Variants in COL9A1 observed in about 807,000 individuals in gnomAD.
COL9A1 encodes the protein collagen type IX alpha 1 chain, also known as collagen alpha-1(IX) chain.
A neutral mutation model predicts 142.6 loss-of-function variants in COL9A1; 104 were observed. The ratio of observed to expected loss-of-function variants is 0.73; its 90% CI spans 0.62 to 0.86. The LOEUF (loss-of-function observed/expected upper bound fraction) is 0.86. Among genes scored for constraint, COL9A1 ranks in the 40% least tolerant of loss-of-function variants. The pLI is 0.00. For missense variants in COL9A1, 1,210 were observed against 1,176.6 expected (o/e 1.03, Z -0.42); for synonymous variants, 466 against 396.0 (o/e 1.18, Z -2.10).
chr6:70,269,378 C>A (rs1166428668), intron 16 of COL9A1, among the ~76,000 whole-genome samples: 1 of 152,114 alleles, frequency 6.6e-6, no homozygotes, highest in Non-Finnish European at 1.5e-5. Flanking sequence ...AACCTGGATG[C>A]TCTAGTGAAA....
At chr6:70,277,712 C>T in intron 10 of COL9A1, among the ~76,000 whole-genome samples, 1 of 152,186 alleles carries the variant, frequency 6.6e-6, no homozygotes, top group East Asian at 1.9e-4. Flanking sequence ...ACATTTTCTG[C>T]CAAAAATCCA....
chr6:70,282,797 G>A, intron 7 of COL9A1, 101 bp downstream of exon 7: 5 of 1,564,790 alleles, frequency 3.2e-6, no homozygotes, highest in Non-Finnish European at 4.4e-6. Context: ...TGAGAGCCCT[G>A]GGGATGCTCC....
Position 70,216,992 on chromosome 6 carries a change from G to T in COL9A1, c.2671C>A (p.Pro891Thr), listed in dbSNP as rs763970167. 1.9e-6 allele frequency: 3 copies of T among 1,613,996 alleles called. No homozygotes were observed. In the East Asian group the frequency reaches 6.7e-5, roughly 36 times the overall value. The change falls in exon 38 of 38, where the codon CCC (proline) becomes ACC (threonine). Residue 891 changes from proline (P) to threonine (T), a missense_variant. By Grantham distance (38) the Pro-to-Thr change is conservative. Coordinates refer to ENST00000357250, the MANE Select transcript of COL9A1 (RefSeq NM_001851.6). ...GVAGIPGVPG[P>T]PGPPGLPGFC... ...CCGGGAAGCCCAGGAGGTCCCGGGGGTCCAGGCACTCCAGGAATTCCTGCC... is the reference window on the plus strand; with the variant it reads ...CCGGGAAGCCCAGGAGGTCCCGGGGTTCCAGGCACTCCAGGAATTCCTGCC...
At chr6:70,237,750 A>C (rs551651936) in intron 33 of COL9A1, among the ~76,000 whole-genome samples, 1 of 152,362 alleles carries the variant, frequency 6.6e-6, no homozygotes, top group African/African-American at 2.4e-5. Context: ...ATTCTTAGGC[A>C]TAAAAATGTT....
chr6:70,226,062 T>G (rs955977873), intron 36 of COL9A1, 53 bp from the exon 37 acceptor site: 9 of 1,463,116 alleles, frequency 6.2e-6, no homozygotes, highest in Non-Finnish European at 8.6e-6. Context: ...AAAATAAACT[T>G]CCGCATCTTT....
intron 5 of COL9A1, among the ~76,000 whole-genome samples, chr6:70,292,219 C>T (rs959936421): frequency 1.3e-4 from 20 of 152,250 alleles, no homozygotes; most frequent in African/African-American, 3.6e-4. Flanking sequence ...TGTCACACCT[C>T]CACCATCATC....
rs144080297 is a variant in COL9A1, at chr6:70,257,481, G to A, written c.1450-660C>T. On this transcript the variant is annotated intron_variant, in intron 20 of 37. Transcript: ENST00000357250. Reference sequence around the variant, plus strand: ...AGAAGTTTGGTAGCCACTCTCCAGGGTTCTTAACATTTCTATAGAAATTAA... The same window carrying A: ...AGAAGTTTGGTAGCCACTCTCCAGGATTCTTAACATTTCTATAGAAATTAA... Among the ~76,000 whole-genome samples, 542 of 152,226 alleles carry A rather than the reference G, an allele frequency of 3.6e-3. 8 individuals carry two copies. The highest frequency in any genetic ancestry group is 0.012 in the African/African-American group (504 of 41,536).
At chr6:70,242,092 GA>G in intron 29 of COL9A1, 57 bp from the exon 30 acceptor site, 1 of 1,455,236 alleles carries the variant, frequency 6.9e-7, no homozygotes, top group Non-Finnish European at 9.5e-7. Flanking sequence ...TGAAAGCACG[GA>G]AGGCAGAAAC....
chr6:70,244,940 T>G lies in COL9A1; in HGVS notation c.1873-2225A>C, dbSNP rs549783018. Reference sequence around the variant, plus strand: ...CTGCTCTGCTGAACTTGTGTACCCATAAGAGTCCACCATATGTAGCACGGA... The same window carrying G: ...CTGCTCTGCTGAACTTGTGTACCCAGAAGAGTCCACCATATGTAGCACGGA... On this transcript the variant is annotated intron_variant, in intron 28 of 37. Transcript: ENST00000357250. 1.2e-4 allele frequency among the ~76,000 whole-genome samples: 18 copies of G among 152,292 alleles called. 1 individual carries two copies. The South Asian group carries it at 3.5e-3, about 30-fold the overall frequency.
intron 29 of COL9A1, 66 bp downstream of exon 29, chr6:70,242,596 T>A: frequency 7.3e-7 from 1 of 1,373,202 alleles, no homozygotes; most frequent in Non-Finnish European, 1.0e-6. Context: ...TGTTTTCTCC[T>A]CTTGCTTATT....
intron 11 of COL9A1, 45 bp from the exon 12 acceptor site, chr6:70,274,127 A>AAT: frequency 6.9e-7 from 1 of 1,455,212 alleles, no homozygotes; most frequent in Non-Finnish European, 9.5e-7. Flanking sequence ...TCATATCATG[A>AAT]ATATGTAAAT....
intron 36 of COL9A1, 57 bp downstream of exon 36, chr6:70,232,526 G>A: frequency 6.4e-7 from 1 of 1,568,998 alleles, no homozygotes; most frequent in Non-Finnish European, 8.8e-7. Flanking sequence ...GCTTGATACA[G>A]ATTATACATC....
intron 18 of COL9A1, among the ~76,000 whole-genome samples, chr6:70,263,735 TC>T (rs1476805084): frequency 1.3e-5 from 2 of 152,006 alleles, no homozygotes; most frequent in Non-Finnish European, 2.9e-5. Flanking sequence ...ACAATATTTT[TC>T]ATCGTGATTT....
chr6:70,232,854 T>A (rs561098568), intron 35 of COL9A1, 83 bp from the exon 36 acceptor site: 79 of 1,354,972 alleles, frequency 5.8e-5, no homozygotes, highest in Non-Finnish European at 7.3e-5. Context: ...TCCAAATGCC[T>A]TTTTTTCTAA....
At chr6:70,282,677 G>C (rs1477327688) in intron 7 of COL9A1, among the ~76,000 whole-genome samples, 1 of 152,206 alleles carries the variant, frequency 6.6e-6, no homozygotes, top group Non-Finnish European at 1.5e-5. Flanking sequence ...CTGCAGTAGG[G>C]AGGACCCAGA....
chr6:70,262,000 C>T (rs976141102), intron 19 of COL9A1, among the ~76,000 whole-genome samples: 3 of 152,084 alleles, frequency 2.0e-5, no homozygotes, highest in African/African-American at 7.2e-5. Flanking sequence ...AACGGATATC[C>T]CCCAATGGAC....
chr6:70,257,048 A>AATTTTTTTT (rs1562307548), intron 20 of COL9A1, among the ~76,000 whole-genome samples: 1 of 105,018 alleles, frequency 9.5e-6, no homozygotes, highest in African/African-American at 3.9e-5. Context: ...CCACTCTGTA[A>AATTTTTTTT]TTTTTTTTTT....
intron 20 of COL9A1, among the ~76,000 whole-genome samples, chr6:70,260,157 G>T (rs557872204): frequency 1.3e-5 from 2 of 152,228 alleles, no homozygotes; most frequent in East Asian, 3.9e-4. Context: ...TTAAGACATG[G>T]CAAATATCAT....
At position 70,262,473 on chromosome 6, in the gene COL9A1, T is replaced by G. The variant is rs556719667; in HGVS notation, c.1395+771A>C. Among the ~76,000 whole-genome samples the G allele has an allele frequency of 3.3e-5, 5 of 152,292 alleles. No individual in the cohort carries two copies. In the East Asian group the frequency reaches 9.6e-4, roughly 29 times the overall value. Reference sequence around the variant, plus strand: ...GTCCTGTGGAGAAGAGCAGAGCAGGTGAATGGTGTTCCTGTGTTTGTCTTC... The same window carrying G: ...GTCCTGTGGAGAAGAGCAGAGCAGGGGAATGGTGTTCCTGTGTTTGTCTTC... On this transcript the variant is annotated intron_variant, in intron 19 of 37. Coordinates refer to ENST00000357250, the MANE Select transcript of COL9A1 (RefSeq NM_001851.6).
Sources: allele counts gnomAD v4.1 joint callset (sites outside exome capture counted in the v4.1 genomes callset), GRCh38; gene constraint gnomAD v4.1.1; transcripts MANE v1.5; gene names NCBI Gene and HGNC (gene_info 2026-07-23, HGNC 2026-07-21).